GRAMD1B: variants seen among roughly 807,000 people sequenced by gnomAD.
GRAMD1B encodes protein Aster-B.
Under a neutral mutation model 99.7 loss-of-function variants are expected in GRAMD1B, and 37 were observed. The ratio of observed to expected loss-of-function variants is 0.37; its 90% CI spans 0.29 to 0.49. The LOEUF is 0.49. Ranked by LOEUF, GRAMD1B falls within the 20% of genes least tolerant of loss-of-function variation. GRAMD1B has a pLI of 0.98. For synonymous variants in GRAMD1B, 427 were observed against 387.6 expected (o/e 1.10, Z -1.19); for missense variants, 888 against 1,009.2 (o/e 0.88, Z 1.63).
chr11:123,609,281 G>A (rs1819334643), intron 12 of GRAMD1B, among the ~76,000 whole-genome samples: 1 of 152,100 alleles, frequency 6.6e-6, no homozygotes, highest in African/African-American at 2.4e-5. Context: ...TCACATCTAG[G>A]ATCTGGGGGT....
intron 2 of GRAMD1B, among the ~76,000 whole-genome samples, chr11:123,560,092 C>G (rs1415148341): frequency 6.7e-6 from 1 of 149,338 alleles, no homozygotes; most frequent in African/African-American, 2.5e-5. Context: ...CCCAGCGGCT[C>G]TGTCCTCCAC....
At chr11:123,488,919 G>T (rs1478236402) in intron 2 of GRAMD1B, among the ~76,000 whole-genome samples, 2 of 151,742 alleles carry the variant, frequency 1.3e-5, no homozygotes, top group Admixed American at 1.3e-4. Flanking sequence ...TGGAGCTCAG[G>T]GAAAATAGTT....
chr11:123,538,529 T>C (rs1342476560), intron 2 of GRAMD1B, among the ~76,000 whole-genome samples: 1 of 152,180 alleles, frequency 6.6e-6, no homozygotes. Context: ...ACCATTTAGC[T>C]AGCAGTCCCT....
chr11:123,473,800 C>A (rs1252859612), intron 1 of GRAMD1B, among the ~76,000 whole-genome samples: 2 of 152,166 alleles, frequency 1.3e-5, no homozygotes, highest in East Asian at 3.8e-4. Flanking sequence ...GAGGGATGTT[C>A]TGTAAGGAGG....
rs562102517 is a variant in GRAMD1B at position 123,598,647 on chromosome 11, G to A, written c.970-1821G>A. 4,834 of 1,265,452 alleles carry A rather than the reference G, an allele frequency of 3.8e-3. 20 individuals carry two copies. Among genetic ancestry groups the A allele is most frequent in the Admixed American group, 5.7e-3 (338 of 59,460 alleles). 78.4% of individuals were successfully genotyped at this position (1,265,452 alleles called of 1,614,324 possible). A position where few individuals can be genotyped will look rare whatever the true frequency, so the allele number is the denominator to read the frequency against. On this transcript the variant is annotated intron_variant, in intron 7 of 19. Transcript: ENST00000635736. The stretch of plus-strand genomic sequence containing the variant: ...GATCCTGCCACATTTCAGTCCTAAA[G>A]CTAAGAGAGCGGATTTCAATCTGTC...
chr11:123,369,322 G>C (rs1455664887), intron 1 of GRAMD1B, among the ~76,000 whole-genome samples: 1 of 151,928 alleles, frequency 6.6e-6, no homozygotes, highest in Non-Finnish European at 1.5e-5. Flanking sequence ...AAAGGAAATC[G>C]CTTGAATATG....
intron 5 of GRAMD1B, 120 bp from the exon 6 acceptor site, chr11:123,594,615 T>A (rs1259898728): frequency 1.4e-5 from 9 of 657,604 alleles, no homozygotes; most frequent in Non-Finnish European, 2.5e-5. Context: ...TGGCACCCCT[T>A]GTCCGTGGTG....
At chr11:123,373,868 G>A (rs1421924335) in intron 1 of GRAMD1B, among the ~76,000 whole-genome samples, 1 of 152,126 alleles carries the variant, frequency 6.6e-6, no homozygotes, top group Non-Finnish European at 1.5e-5. Context: ...CAGCATGTGT[G>A]GTCATTTTGG....
At chr11:123,449,504 TTGTC>T (rs1413893373) in intron 1 of GRAMD1B, among the ~76,000 whole-genome samples, 10 of 152,214 alleles carry the variant, frequency 6.6e-5, no homozygotes, top group Non-Finnish European at 1.2e-4. Context: ...ATTGGCTTGT[TTGTC>T]TGTCTTTAAC....
chr11:123,360,090 T>C (rs78091727), intron 1 of GRAMD1B, among the ~76,000 whole-genome samples: 4,731 of 152,268 alleles, frequency 0.031, 259 homozygotes, highest in African/African-American at 0.11. Flanking sequence ...TAAGCTGATA[T>C]AGAATCTCAC....
intron 2 of GRAMD1B, among the ~76,000 whole-genome samples, chr11:123,514,658 A>G (rs1250917158): frequency 6.6e-6 from 1 of 152,192 alleles, no homozygotes; most frequent in Non-Finnish European, 1.5e-5. Flanking sequence ...CCAGAAACAG[A>G]AGCAGGGAGC....
At chr11:123,507,752 T>A (rs936586138) in intron 2 of GRAMD1B, among the ~76,000 whole-genome samples, 8 of 152,234 alleles carry the variant, frequency 5.3e-5, no homozygotes, top group African/African-American at 9.6e-5. Context: ...ATGCATTTTT[T>A]ATAATTTGCC....
rs571444715 is a variant in GRAMD1B at position 123,603,241 on chromosome 11, T to C, written c.1051-185T>C. Among the ~76,000 whole-genome samples, 11 of 152,338 alleles carry C rather than the reference T, an allele frequency of 7.2e-5. No homozygotes were observed. In the East Asian group the frequency reaches 1.5e-3, roughly 21 times the overall value. ...CTGGCTTTGTTAAAGTCCACATTCC[T>C]AGGCAGAAGACTGGTGTCCTGCTGA... On this transcript the variant is annotated intron_variant, in intron 8 of 19. Transcript: ENST00000635736.
At chr11:123,511,888 C>T (rs1408523728) in intron 2 of GRAMD1B, among the ~76,000 whole-genome samples, 1 of 152,216 alleles carries the variant, frequency 6.6e-6, no homozygotes, top group Non-Finnish European at 1.5e-5. Flanking sequence ...TGATCAGATC[C>T]GAGTCACTTA....
chr11:123,525,639 T>C (rs1228981344), intron 2 of GRAMD1B: 4 of 172,790 alleles, frequency 2.3e-5, no homozygotes, highest in Admixed American at 5.7e-5. Context: ...GATTAGGAGA[T>C]TATATGGAGC....
At chr11:123,511,454 T>A (rs998332880) in intron 2 of GRAMD1B, among the ~76,000 whole-genome samples, 4 of 152,066 alleles carry the variant, frequency 2.6e-5, no homozygotes, top group African/African-American at 9.7e-5. Context: ...TTCAAATCTC[T>A]CCTGGCTCCT....
chr11:123,567,948 A>C (rs892174287), intron 2 of GRAMD1B, among the ~76,000 whole-genome samples: 2 of 152,178 alleles, frequency 1.3e-5, no homozygotes, highest in Non-Finnish European at 2.9e-5. Flanking sequence ...TTCATCAACA[A>C]CCAAAGTCAG....
chr11:123,473,173 C>T (rs1272837820), intron 1 of GRAMD1B, among the ~76,000 whole-genome samples: 3 of 152,024 alleles, frequency 2.0e-5, no homozygotes, highest in Non-Finnish European at 4.4e-5. Flanking sequence ...AAACAATTCT[C>T]CTGCCTCAGC....
intron 1 of GRAMD1B, among the ~76,000 whole-genome samples, chr11:123,404,877 G>A (rs533436395): frequency 6.6e-6 from 1 of 152,340 alleles, no homozygotes; most frequent in South Asian, 2.1e-4. Context: ...AATTCCGCCT[G>A]TTGTCAGGGG....
Sources: allele counts gnomAD v4.1 joint callset (sites outside exome capture counted in the v4.1 genomes callset), GRCh38; gene constraint gnomAD v4.1.1; transcripts MANE v1.5; gene names NCBI Gene and HGNC (gene_info 2026-07-23, HGNC 2026-07-21).